GLRB: variants seen among roughly 807,000 people sequenced by gnomAD.
GLRB encodes the protein glycine receptor beta.
A neutral mutation model predicts 54.2 loss-of-function variants in GLRB; 33 were observed. That is an observed-to-expected ratio of 0.61 (90% CI 0.46 to 0.81). GLRB has a LOEUF of 0.81. GLRB is among the 40% of genes least tolerant of loss of function. The pLI is 0.00. For missense variants in GLRB, 572 were observed against 584.6 expected (o/e 0.98, Z 0.22); for synonymous variants, 209 against 208.2 (o/e 1.00, Z -0.03).
intron 4 of GLRB, among the ~76,000 whole-genome samples, chr4:157,131,583 A>G (rs962563028): frequency 1.3e-5 from 2 of 151,736 alleles, no homozygotes; most frequent in Non-Finnish European, 3.0e-5. Context: ...TTGCCTCTTT[A>G]TCCCTTTCTC....
At chr4:157,112,696 G>T (rs1009723396) in intron 2 of GLRB, among the ~76,000 whole-genome samples, 9 of 151,846 alleles carry the variant, frequency 5.9e-5, no homozygotes, top group Non-Finnish European at 1.0e-4. Context: ...GGCCCTTCAG[G>T]GTTGTCTTAA....
intron 9 of GLRB, among the ~76,000 whole-genome samples, chr4:157,157,127 A>C (rs932890924): frequency 6.6e-6 from 1 of 152,108 alleles, no homozygotes; most frequent in Non-Finnish European, 1.5e-5. Flanking sequence ...TGTTGGTGAA[A>C]GTCCTGACCC....
Position 157,143,862 on chromosome 4 carries a change from C to A in GLRB, c.807C>A (p.Tyr269Ter). ...CCCTGAGGAGGCAGGTCGGCTTTTA[C>A]ATGATGGGGGTCTACGCCCCAACTC... is the stretch of plus-strand genomic sequence containing the variant. ...IFTLRRQVGF[Y>*]MMGVYAPTLL... is the part of the protein sequence containing the mutation. The change falls in exon 8 of 10, where the codon TAC (tyrosine) becomes TAA (stop). Residue 269 changes from tyrosine to a stop codon, truncating the protein, a stop_gained. Transcript: ENST00000264428. LOFTEE classifies it high-confidence loss of function. 6.2e-7 allele frequency: 1 copy of A among 1,613,870 alleles called. No homozygotes were observed. The highest frequency in any genetic ancestry group is 8.5e-7 in the Non-Finnish European group (1 of 1,179,906).
chr4:157,156,617 C>G (rs1274047374), intron 9 of GLRB, among the ~76,000 whole-genome samples: 1 of 152,032 alleles, frequency 6.6e-6, no homozygotes, highest in African/African-American at 2.4e-5. Context: ...TTTCCTCTGC[C>G]CTTTACATTT....
In GLRB at chr4:157,170,943, T is replaced by C. The variant is rs899018838; in HGVS notation, c.*215T>C. ...ACGATGTATATATGTATAGTGAACA[T>C]ATTGCTTAGTAACAAATGAAGGACA... On this transcript the variant is annotated 3_prime_UTR_variant, in exon 10 of 10. Transcript: ENST00000264428. The C allele has an allele frequency of 7.1e-6, 3 of 421,524 alleles. No individual in the cohort carries two copies. Among genetic ancestry groups the C allele is most frequent in the African/African-American group, 6.0e-5 (3 of 49,706 alleles). 26.1% of individuals were successfully genotyped at this position (421,524 alleles called of 1,614,324 possible).
intron 3 of GLRB, among the ~76,000 whole-genome samples, chr4:157,121,456 A>ATT (rs34471702): frequency 0.065 from 8,825 of 136,338 alleles, 329 homozygotes; most frequent in Middle Eastern, 0.13. Flanking sequence ...ATAAGGCTTG[A>ATT]TTTTTTTTTT....
At chr4:157,127,679 GT>G (rs1199759000) in intron 4 of GLRB, among the ~76,000 whole-genome samples, 5 of 151,804 alleles carry the variant, frequency 3.3e-5, no homozygotes, top group African/African-American at 1.2e-4. Context: ...AGGGTCAGTG[GT>G]AGTAGCTGTG....
intron 4 of GLRB, among the ~76,000 whole-genome samples, chr4:157,127,019 A>C (rs1319226357): frequency 6.6e-6 from 1 of 151,796 alleles, no homozygotes; most frequent in African/African-American, 2.4e-5. Flanking sequence ...TTAATAATAG[A>C]TTGCAACTCC....
intron 2 of GLRB, among the ~76,000 whole-genome samples, chr4:157,106,574 A>G (rs906738742): frequency 2.0e-5 from 3 of 151,810 alleles, no homozygotes; most frequent in Non-Finnish European, 4.4e-5. Flanking sequence ...AGATAGGTGA[A>G]TTCTTTCTCT....
chr4:157,089,401 T>A (rs1734528086), intron 2 of GLRB, among the ~76,000 whole-genome samples: 1 of 152,146 alleles, frequency 6.6e-6, no homozygotes, highest in African/African-American at 2.4e-5. Flanking sequence ...GGAGACCCTG[T>A]TTCAAAGAAA....
At chr4:157,138,197 G>T in intron 6 of GLRB, among the ~76,000 whole-genome samples, 1 of 152,068 alleles carries the variant, frequency 6.6e-6, no homozygotes, top group East Asian at 1.9e-4. Flanking sequence ...TCAGCCTCCT[G>T]AGTAGCTGAG....
intron 7 of GLRB, among the ~76,000 whole-genome samples, chr4:157,139,426 A>C (rs1736530753): frequency 6.6e-6 from 1 of 152,116 alleles, no homozygotes; most frequent in Non-Finnish European, 1.5e-5. Context: ...AATGTGAAAT[A>C]ATTGGACATC....
chr4:157,142,432 A>C (rs186278654), intron 7 of GLRB, among the ~76,000 whole-genome samples: 7 of 152,260 alleles, frequency 4.6e-5, no homozygotes, highest in African/African-American at 1.7e-4. Flanking sequence ...TATTAGCTCT[A>C]CTGTCTGTGT....
intron 4 of GLRB, among the ~76,000 whole-genome samples, chr4:157,132,571 C>A (rs1385759883): frequency 6.6e-6 from 1 of 151,724 alleles, no homozygotes; most frequent in Non-Finnish European, 1.5e-5. Context: ...CTGATGTGAT[C>A]ATTTATTCTC....
At position 157,164,238 on chromosome 4, in the gene GLRB, AC is replaced by A. The variant is rs550483453; in HGVS notation, c.1198-6193del. 5.2e-4 allele frequency among the ~76,000 whole-genome samples: 79 copies of A among 152,232 alleles called. 1 individual carries two copies. In the East Asian group the frequency reaches 0.015, roughly 29 times the overall value. On this transcript the variant is annotated intron_variant, in intron 9 of 9. Coordinates refer to ENST00000264428, the MANE Select transcript of GLRB (RefSeq NM_000824.5). ...TTGCTTAAGGGCATGCTTTGGCATG[AC>A]GAAGAACTGGTATTGAAAGCATACT...
intron 4 of GLRB, among the ~76,000 whole-genome samples, chr4:157,126,624 G>C (rs1174735117): frequency 6.6e-6 from 1 of 151,826 alleles, no homozygotes; most frequent in African/African-American, 2.4e-5. Flanking sequence ...ACTGAAATAA[G>C]AGTATTCAAA....
At chr4:157,139,055 A>C (rs1736517517) in intron 7 of GLRB, 106 bp downstream of exon 7, 1 of 648,262 alleles carries the variant, frequency 1.5e-6, no homozygotes, top group South Asian at 1.9e-5. Context: ...ACTTAAAATT[A>C]AATTAGCAAA....
At chr4:157,107,712 G>T (rs967607199) in intron 2 of GLRB, among the ~76,000 whole-genome samples, 2 of 152,102 alleles carry the variant, frequency 1.3e-5, no homozygotes, top group African/African-American at 4.8e-5. Context: ...AAGTATTGAT[G>T]TTGAAGCCAC....
At chr4:157,131,950 A>G (rs1736229669) in intron 4 of GLRB, among the ~76,000 whole-genome samples, 1 of 151,844 alleles carries the variant, frequency 6.6e-6, no homozygotes, top group Admixed American at 6.6e-5. Context: ...GCTGGATCAT[A>G]TGGTAAAAGT....
Sources: gnomAD v4.1 joint callset for allele counts (sites outside exome capture counted in the v4.1 genomes callset) on GRCh38, gnomAD v4.1.1 for gene constraint, MANE v1.5 for transcripts, NCBI Gene and HGNC (gene_info 2026-07-23, HGNC 2026-07-21) for gene names.